Variants in RYR3 observed in about 807,000 individuals in gnomAD.
The protein encoded by RYR3 is ryanodine receptor 3, also known as brain ryanodine receptor-calcium release channel.
RYR3 carries 207 observed loss-of-function variants against 584.3 expected under a neutral mutation model. The ratio of observed to expected loss-of-function variants is 0.35; its 90% confidence interval spans 0.32 to 0.40. RYR3 has a LOEUF of 0.40. Among genes scored for constraint, RYR3 ranks in the 10% least tolerant of loss-of-function variants. The pLI is 1.00. For synonymous variants in RYR3, 2,416 were observed against 2,248.5 expected, an observed-to-expected ratio of 1.07 and a Z score of -2.11; for missense variants, 5,616 against 6,089.2, an observed-to-expected ratio of 0.92 and a Z score of 2.59.
At chr15:33,425,924 G>A (rs1204037970) in intron 1 of RYR3, among the ~76,000 whole-genome samples, 3 of 152,142 alleles carry the variant, frequency 2.0e-5, no homozygotes, top group South Asian at 2.1e-4. Context: ...TTACAGGCAT[G>A]AGCCACCGCG....
chr15:33,837,231 G>A (rs185427119), intron 88 of RYR3, among the ~76,000 whole-genome samples: 1 of 152,274 alleles, frequency 6.6e-6, no homozygotes, highest in East Asian at 1.9e-4. Context: ...TCCAAGCTTT[G>A]CTCTTCCCTA....
intron 65 of RYR3, 130 bp downstream of exon 65, chr15:33,780,471 A>G: frequency 1.1e-6 from 1 of 875,830 alleles, no homozygotes; most frequent in Non-Finnish European, 1.7e-6. Context: ...AGGTGAGGTT[A>G]GGGACTAGGT....
At chr15:33,812,794 A>G in intron 72 of RYR3, 69 bp from the exon 73 acceptor site, 1 of 1,532,868 alleles carries the variant, frequency 6.5e-7, no homozygotes, top group Non-Finnish European at 8.9e-7. Flanking sequence ...CCATGGTAGG[A>G]CCAAAAGGCT....
At chr15:33,739,774 C>A (rs2069886758) in intron 50 of RYR3, 58 bp from the exon 51 acceptor site, 7 of 1,435,614 alleles carry the variant, frequency 4.9e-6, no homozygotes, top group South Asian at 1.3e-5. Context: ...GTGATTGGTT[C>A]TGTCTAAAGG....
chr15:33,524,802 C>T (rs769736150), intron 3 of RYR3, among the ~76,000 whole-genome samples: 1 of 152,024 alleles, frequency 6.6e-6, no homozygotes, highest in South Asian at 2.1e-4. Context: ...TTCTAATATG[C>T]GTCATTTATT....
intron 57 of RYR3, among the ~76,000 whole-genome samples, chr15:33,751,403 C>T (rs2071290514): frequency 6.6e-6 from 1 of 152,130 alleles, no homozygotes; most frequent in Non-Finnish European, 1.5e-5. Flanking sequence ...TCTGTTGTTT[C>T]CTGACTTTTT....
At chr15:33,709,755 A>G (rs1566997818) in intron 43 of RYR3, among the ~76,000 whole-genome samples, 1 of 152,208 alleles carries the variant, frequency 6.6e-6, no homozygotes, top group Non-Finnish European at 1.5e-5. Flanking sequence ...TATTGTATAA[A>G]TTACCTAGTC....
chr15:33,779,243 T>C (rs1248354944), intron 64 of RYR3, among the ~76,000 whole-genome samples: 1 of 152,174 alleles, frequency 6.6e-6, no homozygotes. Flanking sequence ...TTTTTTCTTT[T>C]TGAGTTGGAG....
At chr15:33,388,897 G>T (rs1029363032) in intron 1 of RYR3, among the ~76,000 whole-genome samples, 37 of 152,150 alleles carry the variant, frequency 2.4e-4, no homozygotes, top group African/African-American at 8.7e-4. Flanking sequence ...ATAGAACGGA[G>T]AATTAAGAAA....
intron 38 of RYR3, among the ~76,000 whole-genome samples, chr15:33,693,297 G>T (rs2065583399): frequency 6.6e-6 from 1 of 152,220 alleles, no homozygotes; most frequent in African/African-American, 2.4e-5. Context: ...ATGCTACCAT[G>T]CCTGCGCCAC....
intron 67 of RYR3, among the ~76,000 whole-genome samples, chr15:33,797,509 A>G (rs569851869): frequency 1.3e-5 from 2 of 152,130 alleles, no homozygotes; most frequent in Non-Finnish European, 1.5e-5. Context: ...ACCTTTAATG[A>G]GATGTTTTTC....
chr15:33,434,084 T>C (rs2045447191), intron 1 of RYR3, among the ~76,000 whole-genome samples: 3 of 152,200 alleles, frequency 2.0e-5, no homozygotes, highest in Non-Finnish European at 4.4e-5. Context: ...GTAGTTGACA[T>C]TTTGTTGGGA....
intron 103 of RYR3, chr15:33,864,748 G>C (rs909356793): frequency 1.0e-5 from 2 of 195,238 alleles, no homozygotes; most frequent in Non-Finnish European, 1.1e-5. Flanking sequence ...CATTCAATGG[G>C]AGAGGTACCT....
chr15:33,544,382 A>G (rs2056072115), intron 8 of RYR3, among the ~76,000 whole-genome samples: 1 of 152,186 alleles, frequency 6.6e-6, no homozygotes, highest in Non-Finnish European at 1.5e-5. Context: ...ACTAGATTGA[A>G]TTTGGGACAG....
At chr15:33,722,920 G>A in intron 44 of RYR3, 25 bp downstream of exon 44, 1 of 1,533,588 alleles carries the variant, frequency 6.5e-7, no homozygotes, top group Non-Finnish European at 8.8e-7. Context: ...TTCCCTTCCG[G>A]CACAGATACG....
chr15:33,744,775 G>A (rs1054591359), intron 52 of RYR3, among the ~76,000 whole-genome samples: 1 of 152,208 alleles, frequency 6.6e-6, no homozygotes, highest in African/African-American at 2.4e-5. Flanking sequence ...AGGACATGGA[G>A]TAGGATGGGT....
At chr15:33,673,000 G>C (rs2063940550) in intron 38 of RYR3, among the ~76,000 whole-genome samples, 1 of 152,186 alleles carries the variant, frequency 6.6e-6, no homozygotes, top group Non-Finnish European at 1.5e-5. Flanking sequence ...TAAAGCTATG[G>C]CTTGAAGGCA....
intron 30 of RYR3, among the ~76,000 whole-genome samples, chr15:33,648,116 CACTT>C (rs1040692613): frequency 8.5e-5 from 13 of 152,104 alleles, no homozygotes; most frequent in Non-Finnish European, 1.6e-4. Context: ...GTAAATCACT[CACTT>C]AGTCTGTGGG....
At chr15:33,772,351 C>G (rs2073641083) in intron 63 of RYR3, among the ~76,000 whole-genome samples, 193 bp downstream of exon 63, 1 of 152,080 alleles carries the variant, frequency 6.6e-6, no homozygotes, top group South Asian at 2.1e-4. Context: ...AAGAAATTCC[C>G]TAATTTGAGT....
Sources: gnomAD v4.1 joint callset for allele counts (sites outside exome capture counted in the v4.1 genomes callset) on GRCh38, gnomAD v4.1.1 for gene constraint, MANE v1.5 for transcripts, NCBI Gene and HGNC (gene_info 2026-07-23, HGNC 2026-07-21) for gene names.